The following VEPH1 variants were observed in gnomAD, a reference collection of about 807,000 sequenced individuals.
The protein encoded by VEPH1 is ventricular zone expressed PH domain containing 1.
VEPH1 carries 80 observed loss-of-function variants against 85.2 expected under a neutral mutation model. That is an observed-to-expected ratio of 0.94 (90% CI 0.78 to 1.13). The LOEUF is 1.13. Ranked by LOEUF, VEPH1 falls within the 50% of genes most tolerant of loss-of-function variation. The pLI, the probability that VEPH1 is intolerant of heterozygous loss-of-function variation, is 0.00. For missense variants in VEPH1, 955 were observed against 980.5 expected (o/e 0.97, Z 0.35); for synonymous variants, 297 against 348.0 (o/e 0.85, Z 1.63).
intron 12 of VEPH1, among the ~76,000 whole-genome samples, chr3:157,277,145 C>T (rs1715506440): frequency 6.6e-6 from 1 of 152,204 alleles, no homozygotes; most frequent in African/African-American, 2.4e-5. Flanking sequence ...CCCACCTGGG[C>T]CTCCCAAAAT....
At chr3:157,373,971 A>G (rs1345800753) in intron 7 of VEPH1, among the ~76,000 whole-genome samples, 1 of 152,162 alleles carries the variant, frequency 6.6e-6, no homozygotes, top group East Asian at 1.9e-4. Context: ...AAAGCTGATA[A>G]CAATGTCTCC....
intron 11 of VEPH1, among the ~76,000 whole-genome samples, chr3:157,300,979 C>T (rs933846350): frequency 2.6e-5 from 4 of 152,226 alleles, no homozygotes; most frequent in Admixed American, 2.6e-4. Context: ...GAACTCTTCA[C>T]ATGTGAACCT....
At position 157,495,303 on chromosome 3, in the gene VEPH1, C is replaced by A; in HGVS notation, c.47G>T (p.Arg16Leu). 1 of 1,613,972 alleles carries A rather than the reference C, an allele frequency of 6.2e-7. No homozygotes were observed. The highest frequency in any genetic ancestry group is 1.3e-5 in the African/African-American group (1 of 75,028). The change falls in exon 2 of 14, where the codon CGA becomes CTA. Residue 16 changes from arginine (R) to leucine (L), a missense_variant. Coordinates refer to ENST00000362010, the MANE Select transcript of VEPH1 (RefSeq NM_001167912.2). ...ATCTAAGGAGAAGAGGTCCCCAGCT[C>A]GTGAAAGATCTTTTTGTCCCAAAAC... ...RLVLGQKDLS[R>L]AGDLFSLDDS... is the part of the protein sequence containing the mutation.
At chr3:157,274,033 G>A (rs914459543) in intron 12 of VEPH1, among the ~76,000 whole-genome samples, 1 of 152,152 alleles carries the variant, frequency 6.6e-6, no homozygotes, top group Non-Finnish European at 1.5e-5. Context: ...CAGCTGACTG[G>A]TCCTGGACAA....
intron 6 of VEPH1, among the ~76,000 whole-genome samples, chr3:157,403,791 G>T (rs974592989): frequency 3.9e-5 from 6 of 152,160 alleles, no homozygotes; most frequent in Non-Finnish European, 7.4e-5. Context: ...AGCTGTGTGT[G>T]TGTCTGGAAA....
chr3:157,292,993 A>G (rs1251821746), intron 11 of VEPH1, among the ~76,000 whole-genome samples: 1 of 151,842 alleles, frequency 6.6e-6, no homozygotes, highest in Non-Finnish European at 1.5e-5. Context: ...CAAAAAAAAA[A>G]AAAAAAGAAA....
chr3:157,329,166 T>C (rs189401913), intron 9 of VEPH1, among the ~76,000 whole-genome samples: 46 of 152,348 alleles, frequency 3.0e-4, no homozygotes, highest in African/African-American at 1.0e-3. Flanking sequence ...TAGAGACTTG[T>C]TGATAATTTG....
chr3:157,442,988 A>G, intron 4 of VEPH1: 1 of 1,580,664 alleles, frequency 6.3e-7, no homozygotes, highest in South Asian at 1.2e-5. Context: ...AAATGTTGTG[A>G]AACTCCACTT....
chr3:157,472,044 C>A (rs193130607), intron 2 of VEPH1, among the ~76,000 whole-genome samples: 3 of 152,188 alleles, frequency 2.0e-5, no homozygotes, highest in East Asian at 3.8e-4. Flanking sequence ...CCGTCCCAGT[C>A]CCCTTCCTCA....
chr3:157,415,512 G>C (rs1432855901), intron 5 of VEPH1, among the ~76,000 whole-genome samples: 1 of 152,090 alleles, frequency 6.6e-6, no homozygotes, highest in African/African-American at 2.4e-5. Flanking sequence ...CCCACACATG[G>C]GTTATTCCAA....
intron 4 of VEPH1, chr3:157,436,881 A>T (rs1733621141): frequency 1.3e-6 from 2 of 1,592,598 alleles, no homozygotes. Flanking sequence ...AACTCAGCTC[A>T]CTTGAGAGTC....
At chr3:157,468,506 C>A (rs777525743) in intron 3 of VEPH1, among the ~76,000 whole-genome samples, 1 of 151,960 alleles carries the variant, frequency 6.6e-6, no homozygotes, top group East Asian at 1.9e-4. Flanking sequence ...ACCCGGGAGG[C>A]GGAGGTTGCA....
At chr3:157,438,681 C>T (rs1170363777) in intron 4 of VEPH1, among the ~76,000 whole-genome samples, 2 of 152,198 alleles carry the variant, frequency 1.3e-5, no homozygotes, top group Non-Finnish European at 2.9e-5. Flanking sequence ...GTTCAAACCA[C>T]AGGCAACTTC....
intron 6 of VEPH1, among the ~76,000 whole-genome samples, chr3:157,397,055 T>C (rs1024172299): frequency 1.3e-5 from 2 of 152,176 alleles, no homozygotes; most frequent in African/African-American, 4.8e-5. Context: ...TCTTCTAGGG[T>C]TTTGATCATT....
intron 1 of VEPH1, among the ~76,000 whole-genome samples, chr3:157,500,197 G>A (rs1408180234): frequency 6.6e-6 from 1 of 152,208 alleles, no homozygotes; most frequent in African/African-American, 2.4e-5. Flanking sequence ...CTCCGATGGA[G>A]AAAAGGGCAC....
At chr3:157,426,037 C>T (rs1732727911) in intron 5 of VEPH1, among the ~76,000 whole-genome samples, 1 of 152,176 alleles carries the variant, frequency 6.6e-6, no homozygotes, top group African/African-American at 2.4e-5. Context: ...ATTTTCTCTT[C>T]CTGCCACCAT....
chr3:157,379,326 T>C (rs1234200884), intron 7 of VEPH1, among the ~76,000 whole-genome samples: 1 of 152,184 alleles, frequency 6.6e-6, no homozygotes, highest in Non-Finnish European at 1.5e-5. Context: ...TGTGGTATCC[T>C]TTTTACCCTT....
intron 5 of VEPH1, among the ~76,000 whole-genome samples, chr3:157,425,802 A>G (rs1036408800): frequency 1.3e-5 from 2 of 152,124 alleles, no homozygotes; most frequent in African/African-American, 4.8e-5. Flanking sequence ...AGGACATGAG[A>G]TTTGGATGGG....
intron 12 of VEPH1, among the ~76,000 whole-genome samples, chr3:157,270,789 A>C (rs981753906): frequency 2.6e-5 from 4 of 152,164 alleles, no homozygotes; most frequent in African/African-American, 9.7e-5. Context: ...GCTTTAATTT[A>C]TCATCTAGGG....
Sources: allele counts gnomAD v4.1 joint callset (sites outside exome capture counted in the v4.1 genomes callset), GRCh38; gene constraint gnomAD v4.1.1; transcripts MANE v1.5; gene names NCBI Gene and HGNC (gene_info 2026-07-23, HGNC 2026-07-21).